Variants in HHLA1 observed in about 807,000 individuals in gnomAD.
HHLA1 encodes the protein HERV-H LTR-associating protein 1.
In HHLA1, 72 loss-of-function variants were observed where a neutral mutation model predicts 69.9. That is an observed-to-expected ratio of 1.03 (90% CI 0.85 to 1.25). The LOEUF is 1.25. HHLA1 is among the 50% of genes most tolerant of loss of function. The probability of loss-of-function intolerance (pLI) is 0.00; values close to 1 mark genes in which losing one functional copy is unlikely to be tolerated. For synonymous variants in HHLA1, 252 were observed against 233.2 expected (o/e 1.08, Z -0.73); for missense variants, 685 against 642.2 (o/e 1.07, Z -0.72).
intron 2 of HHLA1, 24 bp from the exon 3 acceptor site, chr8:132,104,191 CAG>C: frequency 6.6e-7 from 1 of 1,512,122 alleles, no homozygotes; most frequent in Non-Finnish European, 9.0e-7. Flanking sequence ...GGTTTAATCA[CAG>C]AAATTATAAC....
chr8:132,100,228 C>T, intron 3 of HHLA1, 94 bp from the exon 4 acceptor site: 1 of 882,184 alleles, frequency 1.1e-6, no homozygotes, highest in Non-Finnish European at 1.8e-6. Flanking sequence ...TTGGCCTCTG[C>T]TCTCCGTGTG....
Position 132,076,127 on chromosome 8 carries a change from C to A in HHLA1, c.1243G>T (p.Asp415Tyr). 1 of 1,550,278 alleles carries A rather than the reference C, an allele frequency of 6.5e-7. No homozygotes were observed. Residue 415 changes from aspartate (D) to tyrosine (Y), a missense_variant and splice_region_variant, in exon 14 of 17, where the codon GAT becomes TAT. Physicochemically the swap from Asp to Tyr is radical, Grantham distance 160. Transcript: ENST00000414222. ...ATAPRYPQTG[D>Y]LSAEWPFTAG... ...GTGAATGGCCACTCTGCAGAGAGAT[C>A]ACCTGCAAAGGGCAGGAATGGCCTT... is the stretch of plus-strand genomic sequence containing the variant.
intron 14 of HHLA1, among the ~76,000 whole-genome samples, chr8:132,075,307 G>T (rs978148363): frequency 6.6e-5 from 10 of 152,160 alleles, no homozygotes; most frequent in Non-Finnish European, 1.2e-4. Flanking sequence ...ATTCAGGAGT[G>T]GGAGGAGCCT....
intron 15 of HHLA1, among the ~76,000 whole-genome samples, chr8:132,069,333 C>T (rs1823491268): frequency 1.3e-5 from 2 of 152,168 alleles, no homozygotes; most frequent in Non-Finnish European, 2.9e-5. Context: ...TGTCTTCTTA[C>T]ATTGCCAACT....
chr8:132,071,640 TA>T (rs1823547266), intron 14 of HHLA1, 147 bp from the exon 15 acceptor site: 2 of 699,438 alleles, frequency 2.9e-6, no homozygotes, highest in East Asian at 5.7e-5. Context: ...TCCTCACCAT[TA>T]CCCAATAAAG....
At chr8:132,087,121 G>A (rs1823876965) in intron 10 of HHLA1, among the ~76,000 whole-genome samples, 1 of 152,178 alleles carries the variant, frequency 6.6e-6, no homozygotes, top group Non-Finnish European at 1.5e-5. Context: ...AAAAAGAGGA[G>A]GTAGTGTCTA....
intron 16 of HHLA1, among the ~76,000 whole-genome samples, chr8:132,065,378 T>C (rs1823415987): frequency 6.6e-6 from 1 of 152,136 alleles, no homozygotes; most frequent in African/African-American, 2.4e-5. Flanking sequence ...GCCTCCTAGG[T>C]TCATGCCATT....
rs749860559 is a variant in HHLA1 at position 132,095,514 on chromosome 8, C to T, written c.448+5G>A. 6 of 1,539,066 alleles carry T rather than the reference C, an allele frequency of 3.9e-6. No individual in the cohort carries two copies. Among genetic ancestry groups the T allele is most frequent in the Non-Finnish European group, 5.3e-6 (6 of 1,135,522 alleles). ...GCTGCAAGCCTCATGGTAAGCTGTA[C>T]CCACCTGATAAGTCATTGGTCCGAT... On this transcript the variant is annotated splice_donor_5th_base_variant and intron_variant, in intron 7 of 16. Transcript: ENST00000414222.
intron 16 of HHLA1, among the ~76,000 whole-genome samples, chr8:132,065,574 G>A (rs188643768): frequency 1.1e-3 from 165 of 152,322 alleles, no homozygotes; most frequent in Admixed American, 1.2e-3. Flanking sequence ...GAGCCACCGC[G>A]CCCAGCCTTT....
chr8:132,094,640 A>T (rs991149682), intron 7 of HHLA1, among the ~76,000 whole-genome samples: 2 of 152,150 alleles, frequency 1.3e-5, no homozygotes, highest in Non-Finnish European at 2.9e-5. Flanking sequence ...ACACACAGCA[A>T]TATCCCCCAC....
chr8:132,071,419 G>A lies in HHLA1; in HGVS notation c.1390C>T (p.Pro464Ser), dbSNP rs969746275. Reference sequence around the variant, plus strand: ...AATTGGCACAGCTCCATCAGGCATGGGTTGAGCCTCTGAATAGCCAGGGTG... The same window carrying A: ...AATTGGCACAGCTCCATCAGGCATGAGTTGAGCCTCTGAATAGCCAGGGTG... ...PLTLAIQRLN[P>S]CLMELCQFFQ... The change falls in exon 15 of 17, where the codon CCA becomes TCA. Residue 464 changes from proline to serine, a missense_variant. Coordinates refer to ENST00000414222, the MANE Select transcript of HHLA1 (RefSeq NM_001145095.3). 1 of 1,551,570 alleles carries A rather than the reference G, an allele frequency of 6.4e-7. No homozygotes were observed. Among genetic ancestry groups the A allele is most frequent in the Non-Finnish European group, 8.7e-7 (1 of 1,146,950 alleles).
At chr8:132,094,283 C>G (rs1216978349) in intron 7 of HHLA1, among the ~76,000 whole-genome samples, 2 of 152,146 alleles carry the variant, frequency 1.3e-5, no homozygotes, top group Non-Finnish European at 2.9e-5. Flanking sequence ...AACAAGCAGC[C>G]AGAAGGATTC....
chr8:132,080,272 G>A lies in HHLA1; in HGVS notation c.677-306C>T. The stretch of plus-strand genomic sequence containing the variant: ...TCCGTGTGAAGAGACCACCAAACAG[G>A]CTTTGTGTGAGCAATAAAGCTGTTT... On this transcript the variant is annotated intron_variant, in intron 10 of 16. Coordinates refer to ENST00000414222, the MANE Select transcript of HHLA1 (RefSeq NM_001145095.3). The A allele has an allele frequency of 1.9e-5, 8 of 415,432 alleles. 1 individual carries two copies. Among genetic ancestry groups the A allele is most frequent in the South Asian group, 1.6e-4 (8 of 50,778 alleles). 25.7% of individuals were successfully genotyped at this position (415,432 alleles called of 1,614,324 possible).
At chr8:132,086,502 G>T (rs1049464631) in intron 10 of HHLA1, among the ~76,000 whole-genome samples, 3 of 152,212 alleles carry the variant, frequency 2.0e-5, no homozygotes, top group Non-Finnish European at 1.5e-5. Context: ...ACTCAGCCAG[G>T]TACTTGCTTT....
At chr8:132,072,108 T>C (rs1823556682) in intron 14 of HHLA1, among the ~76,000 whole-genome samples, 1 of 152,198 alleles carries the variant, frequency 6.6e-6, no homozygotes, top group Admixed American at 6.5e-5. Flanking sequence ...GTTTGTGAGT[T>C]CTGTGTTTCC....
chr8:132,089,227 T>C (rs559971095), intron 8 of HHLA1, among the ~76,000 whole-genome samples: 1 of 152,082 alleles, frequency 6.6e-6, no homozygotes, highest in Non-Finnish European at 1.5e-5. Context: ...AAAATGGGGG[T>C]ATATCTACTC....
intron 13 of HHLA1, 40 bp downstream of exon 13, chr8:132,076,435 C>T: frequency 1.2e-6 from 1 of 814,742 alleles, no homozygotes; most frequent in South Asian, 1.5e-5. Flanking sequence ...CCCTCCCATC[C>T]CCCACCCCCA....
At chr8:132,101,433 G>C (rs2957030) in intron 3 of HHLA1, among the ~76,000 whole-genome samples, 121,386 of 152,108 alleles carry the variant, frequency 0.8, 48,931 homozygotes, top group Middle Eastern at 0.93. Flanking sequence ...TACCATATTG[G>C]GCTAGTGGCT....
In HHLA1 at chr8:132,095,512, T is replaced by C; in HGVS notation, c.448+7A>G. On this transcript the variant is annotated splice_region_variant and intron_variant, in intron 7 of 16. Transcript: ENST00000414222. ...AAGCTGCAAGCCTCATGGTAAGCTG[T>C]ACCCACCTGATAAGTCATTGGTCCG... 1.3e-6 allele frequency: 2 copies of C among 1,537,676 alleles called. No homozygotes were observed. Among genetic ancestry groups the C allele is most frequent in the African/African-American group, 1.4e-5 (1 of 72,886 alleles).
Sources: allele counts gnomAD v4.1 joint callset (sites outside exome capture counted in the v4.1 genomes callset), GRCh38; gene constraint gnomAD v4.1.1; transcripts MANE v1.5; gene names NCBI Gene and HGNC (gene_info 2026-07-23, HGNC 2026-07-21).